CLCNKA: variants seen among roughly 807,000 people sequenced by gnomAD.
CLCNKA encodes chloride channel protein ClC-Ka.
A neutral mutation model predicts 83.3 loss-of-function variants in CLCNKA; 66 were observed. The observed-to-expected ratio is 0.79, with a 90% CI of 0.65 to 0.97. CLCNKA has a LOEUF of 0.97. CLCNKA is among the 50% of genes least tolerant of loss of function. CLCNKA has a pLI of 0.00. For synonymous variants in CLCNKA, 357 were observed against 370.4 expected (o/e 0.96, Z 0.42); for missense variants, 806 against 888.7 (o/e 0.91, Z 1.18).
chr1:16,029,736 G>T lies in CLCNKA; in HGVS notation c.1233G>T (p.Trp411Cys). 1 of 1,614,148 alleles carries T rather than the reference G, an allele frequency of 6.2e-7. No homozygotes were observed. The highest frequency in any genetic ancestry group is 2.2e-5 in the East Asian group (1 of 44,882). Residue 411 changes from tryptophan to cysteine, a missense_variant, in exon 13 of 20, where the codon TGG (tryptophan) becomes TGT (cysteine). Trp to Cys is a radical substitution (Grantham distance 215). Transcript: ENST00000331433. The part of the protein sequence containing the change: ...TLAFFLVMKF[W>C]MLILATTIPM... ...TGGGCTCCCCCTTCCTGCAGTTCTGGATGCTGATTCTGGCCACCACCATCC... is the reference window on the plus strand; with the variant it reads ...TGGGCTCCCCCTTCCTGCAGTTCTGTATGCTGATTCTGGCCACCACCATCC...
In CLCNKA at chr1:16,032,484, AC is replaced by A. The variant is rs762172505; in HGVS notation, c.1889del (p.Pro630GlnfsTer2). On this transcript the variant is annotated frameshift_variant, in exon 18 of 20. Transcript: ENST00000331433. LOFTEE classifies it high-confidence loss of function. The part of the protein sequence containing the change: ...DILARGCPTE[P>X]VTLTLFSETT... ...TCTTGGCCAGGGGCTGCCCCACGGA[AC>A]CAGTGACCCTGACGCTATTCTCAGA... is the stretch of plus-strand genomic sequence containing the variant. 7 of 1,613,326 alleles carry A rather than the reference AC, an allele frequency of 4.3e-6. No individual in the cohort carries two copies. The highest frequency in any genetic ancestry group is 5.9e-6 in the Non-Finnish European group (7 of 1,179,960).
intron 7 of CLCNKA, 65 bp from the exon 8 acceptor site, chr1:16,027,245 G>C: frequency 1.2e-6 from 2 of 1,604,968 alleles, no homozygotes; most frequent in South Asian, 2.2e-5. Context: ...CGAGATGGGG[G>C]AGGGGGCCCT....
intron 5 of CLCNKA, 139 bp downstream of exon 5, chr1:16,026,386 G>T: frequency 6.9e-7 from 1 of 1,459,568 alleles, no homozygotes; most frequent in Non-Finnish European, 9.4e-7. Context: ...TAGGGGAAGA[G>T]CCAGGCCAGG....
rs1324313335 is a variant in CLCNKA, at chr1:16,030,017, G to A, written c.1350G>A (p.Glu450=). The change falls in exon 14 of 20, where the codon GAG becomes GAA. Residue 450 remains glutamate, a synonymous_variant. Coordinates refer to ENST00000331433, the MANE Select transcript of CLCNKA (RefSeq NM_004070.4). ...AGGCTCTTGCCGTCGCCTTCCCTGA[G>A]GGCATTGTGACTGGAGGGGTTACCA... ...LGEALAVAFP[E]GIVTGGVTNP... The A allele has an allele frequency of 6.2e-6, 10 of 1,611,184 alleles. No individual in the cohort carries two copies. Among genetic ancestry groups the A allele is most frequent in the East Asian group, 2.2e-5 (1 of 44,848 alleles).
intron 7 of CLCNKA, chr1:16,026,981 T>C (rs1426818912): frequency 2.9e-6 from 2 of 690,418 alleles, no homozygotes; most frequent in African/African-American, 1.8e-5. Flanking sequence ...GCTGAGAGGC[T>C]TCAGGATAAC....
chr1:16,032,627 C>A, intron 18 of CLCNKA, 101 bp downstream of exon 18: 2 of 917,384 alleles, frequency 2.2e-6, no homozygotes, highest in Non-Finnish European at 3.6e-6. Context: ...CCGCCCCGCC[C>A]ATCTTATCCT....
chr1:16,032,671 C>G (rs2022678956), intron 18 of CLCNKA, 145 bp downstream of exon 18: 7 of 694,660 alleles, frequency 1.0e-5, no homozygotes, highest in African/African-American at 1.7e-5. Context: ...GACAGGGCAG[C>G]TCCTGCCGTC....
intron 18 of CLCNKA, among the ~76,000 whole-genome samples, 191 bp from the exon 19 acceptor site, chr1:16,032,979 C>T (rs1216789992): frequency 2.0e-5 from 3 of 152,154 alleles, no homozygotes; most frequent in African/African-American, 4.8e-5. Flanking sequence ...CACTTGCAGC[C>T]CCGCCCAGAC....
intron 7 of CLCNKA, among the ~76,000 whole-genome samples, chr1:16,027,102 A>G (rs2022391774): frequency 6.6e-6 from 1 of 152,166 alleles, no homozygotes; most frequent in Non-Finnish European, 1.5e-5. Context: ...GAGAGGGCGC[A>G]CACCTGCATT....
chr1:16,028,699 T>C (rs1443585250), intron 10 of CLCNKA, 62 bp from the exon 11 acceptor site: 1 of 1,587,486 alleles, frequency 6.3e-7, no homozygotes, highest in Non-Finnish European at 8.6e-7. Context: ...CAGGTCCTAC[T>C]TCCCTCTCCT....
Position 16,029,143 on chromosome 1 carries a change from T to A in CLCNKA, c.1071T>A (p.His357Gln), listed in dbSNP as rs79751787. The change falls in exon 12 of 20, where the codon CAT becomes CAA. Residue 357 changes from histidine to glutamine, a missense_variant. By Grantham distance (24) the His-to-Gln change is conservative (BLOSUM62 0). Coordinates refer to ENST00000331433, the MANE Select transcript of CLCNKA (RefSeq NM_004070.4). ...CGCCACAGCTGTCCATGAAGCAGCA[T>A]CTGGACTCGCTGTTCGACAACCACT... is the stretch of plus-strand genomic sequence containing the variant. ...FLASRLSMKQ[H>Q]LDSLFDNHSW... is the part of the protein sequence containing the mutation. 0.067 allele frequency: 107,297 copies of A among 1,611,586 alleles called. 4,151 individuals are homozygous for A. Among genetic ancestry groups the A allele is most frequent in the South Asian group, 0.14 (12,581 of 91,002 alleles).
At position 16,029,775 on chromosome 1, in the gene CLCNKA, G is replaced by A. The variant is rs764162225; in HGVS notation, c.1272G>A (p.Gly424=). ...CCACCACCATCCCCATGCCTGCCGG[G>A]TACTTCATGCCCATCTTTATCCTTG... ...ILATTIPMPA[G]YFMPIFILGA... The change falls in exon 13 of 20, where the codon GGG becomes GGA. Residue 424 remains glycine, a synonymous_variant. Transcript: ENST00000331433. 14 of 1,614,032 alleles carry A rather than the reference G, an allele frequency of 8.7e-6. No homozygotes were observed. Among genetic ancestry groups the A allele is most frequent in the Non-Finnish European group, 1.1e-5 (13 of 1,180,024 alleles).
rs190033147 is a variant in CLCNKA at position 16,024,704 on chromosome 1, G to T, written c.230-59G>T. The T allele has an allele frequency of 1.1e-4, 176 of 1,609,150 alleles. No individual in the cohort carries two copies. In the East Asian group the frequency reaches 3.0e-3, roughly 27 times the overall value. On this transcript the variant is annotated intron_variant, in intron 3 of 19. Coordinates refer to ENST00000331433, the MANE Select transcript of CLCNKA (RefSeq NM_004070.4). ...CTGGTCAGTAAGTGGGCACCACAGT[G>T]TCTGGCCCTGAGGGCTGCAGAGGCT...
rs1035691602 is a variant in CLCNKA at position 16,027,500 on chromosome 1, C to T, written c.781+65C>T. 3.1e-6 allele frequency: 5 copies of T among 1,602,562 alleles called. No homozygotes were observed. In the East Asian group the frequency reaches 8.9e-5, roughly 29 times the overall value. ...GGCCGGGGCGAGGGAGACCTCCCTT[C>T]TCCTCTGTGTACATCTCTTGCTCTT... On this transcript the variant is annotated intron_variant, in intron 8 of 19. Transcript: ENST00000331433.
At position 16,032,557 on chromosome 1, in the gene CLCNKA, A is replaced by G. The variant is rs10927893; in HGVS notation, c.1929+31A>G. 0.91 allele frequency: 1,409,639 copies of G among 1,553,726 alleles called. 639,956 individuals carry two copies. Among genetic ancestry groups the G allele is most frequent in the East Asian group, 1 (44,517 of 44,538 alleles). The stretch of plus-strand genomic sequence containing the variant: ...AAGTATTGGGGAGTGTGACACACGC[A>G]GCCCCCGGGGCAGGGCAAGAGCTGA... On this transcript the variant is annotated intron_variant, in intron 18 of 19. Coordinates refer to ENST00000331433, the MANE Select transcript of CLCNKA (RefSeq NM_004070.4).
At position 16,025,256 on chromosome 1, in the gene CLCNKA, C is replaced by G. The variant is rs557982922; in HGVS notation, c.358+365C>G. On this transcript the variant is annotated intron_variant, in intron 4 of 19. Coordinates refer to ENST00000331433, the MANE Select transcript of CLCNKA (RefSeq NM_004070.4). ...CCTGAGGTTCTGTTCAGAGCTCCCC[C>G]ATCCTGACACAGCCATCTGCCAGTC... is the stretch of plus-strand genomic sequence containing the variant. Among the ~76,000 whole-genome samples, 19 of 152,316 alleles carry G rather than the reference C, an allele frequency of 1.2e-4. No individual in the cohort carries two copies. The South Asian group carries it at 2.5e-3, about 20-fold the overall frequency.
chr1:16,029,054 CG>C (rs1306578587), intron 11 of CLCNKA, 71 bp from the exon 12 acceptor site: 1 of 1,571,152 alleles, frequency 6.4e-7, no homozygotes, highest in Non-Finnish European at 8.7e-7. Flanking sequence ...CGGGGTCAGG[CG>C]GTGCGGGGGA....
chr1:16,032,347 A>C, intron 17 of CLCNKA, 56 bp downstream of exon 17: 1 of 1,292,060 alleles, frequency 7.7e-7, no homozygotes, highest in East Asian at 2.5e-5. Context: ...CAGGGATGGG[A>C]GGGGAGGGAC....
rs567139740 is a variant in CLCNKA at position 16,026,521 on chromosome 1, C to G, written c.499-15C>G. On this transcript the variant is annotated splice_polypyrimidine_tract_variant and intron_variant, in intron 5 of 19. Transcript: ENST00000331433. ...TCTCTGCTGCCCTCACCTGGGCCCA[C>G]CCTTCCCTCTGCAGGGCCCTTTCGT... The G allele has an allele frequency of 8.1e-6, 13 of 1,613,848 alleles. No homozygotes were observed. Among genetic ancestry groups the G allele is most frequent in the Non-Finnish European group, 3.4e-6 (4 of 1,179,990 alleles).
Sources: allele counts gnomAD v4.1 joint callset (sites outside exome capture counted in the v4.1 genomes callset), GRCh38; gene constraint gnomAD v4.1.1; transcripts MANE v1.5; gene names NCBI Gene and HGNC (gene_info 2026-07-23, HGNC 2026-07-21).